The following FBLN1 variants were observed in gnomAD, a reference collection of about 807,000 sequenced individuals.
The protein encoded by FBLN1 is fibulin 1, also known as fibulin-1.
A neutral mutation model predicts 89.7 loss-of-function variants in FBLN1; 34 were observed. That is an observed-to-expected ratio of 0.38 (90% CI 0.29 to 0.50). The LOEUF is 0.50. Among genes scored for constraint, FBLN1 ranks in the 20% least tolerant of loss-of-function variants. FBLN1 has a pLI of 0.92. For missense variants in FBLN1, 777 were observed against 988.1 expected, an observed-to-expected ratio of 0.79 and a Z score of 2.86; for synonymous variants, 393 against 391.3, an observed-to-expected ratio of 1.00 and a Z score of -0.05.
chr22:45,574,733 T>A lies in FBLN1; in HGVS notation c.1840+80T>A. ...AGCTGAGGGCTTGGCCTACAGGAGT[T>A]GTTCCTTGTAAGATGTGGCCCAGGC... On this transcript the variant is annotated intron_variant, in intron 15 of 16. Transcript: ENST00000327858. The surrounding 1 kb of genome is among the most constrained non-coding windows in gnomAD (Gnocchi z 4.1). 1 of 1,291,482 alleles carries A rather than the reference T, an allele frequency of 7.7e-7. No homozygotes were observed. The highest frequency in any genetic ancestry group is 1.1e-6 in the Non-Finnish European group (1 of 911,080). The allele number at this position is 1,291,482 out of a possible 1,614,324, so 80.0% of individuals were successfully genotyped here. A position where few individuals can be genotyped will look rare whatever the true frequency, so the allele number is the denominator to read the frequency against.
intron 14 of FBLN1, chr22:45,565,083 C>T (rs1435071174): frequency 1.3e-5 from 21 of 1,596,296 alleles, no homozygotes; most frequent in East Asian, 2.3e-5. Flanking sequence ...CTTTTCCCCA[C>T]GGCCCTTGCC....
chr22:45,527,728 T>A, intron 3 of FBLN1, 119 bp from the exon 4 acceptor site: 2 of 1,009,800 alleles, frequency 2.0e-6, no homozygotes, highest in South Asian at 2.6e-5. Context: ...CAGACTTGAG[T>A]CATCACTCTA....
chr22:45,574,627 C>T lies in FBLN1; in HGVS notation c.1814C>T (p.Thr605Ile). 4 of 1,614,118 alleles carry T rather than the reference C, an allele frequency of 2.5e-6. No individual in the cohort carries two copies. The highest frequency in any genetic ancestry group is 3.4e-6 in the Non-Finnish European group (4 of 1,180,022). ...TISHTVISLP[T>I]FREFTRPEEI... is the part of the protein sequence containing the mutation. ...TCCCACACCGTCATCTCGCTGCCTA[C>T]CTTCCGCGAGTTCACCCGCCCTGAA... is the stretch of plus-strand genomic sequence containing the variant. The change falls in exon 15 of 17, where the codon ACC becomes ATC. Residue 605 changes from threonine to isoleucine, a missense_variant. Transcript: ENST00000327858. This position sits in a 1 kb window ranked among gnomAD's most constrained non-coding sequence, Gnocchi z 4.1.
chr22:45,522,363 C>T (rs1019145184), intron 2 of FBLN1, among the ~76,000 whole-genome samples: 15 of 152,320 alleles, frequency 9.8e-5, no homozygotes, highest in Middle Eastern at 6.8e-3. Flanking sequence ...TTCAACAAAT[C>T]TTTATTGGTT....
At chr22:45,591,095 C>T (rs2089132427) in intron 16 of FBLN1, among the ~76,000 whole-genome samples, 1 of 152,192 alleles carries the variant, frequency 6.6e-6, no homozygotes, top group African/African-American at 2.4e-5. Flanking sequence ...CCTTCCAGAA[C>T]TCTCCCAGAC....
chr22:45,563,069 C>T lies in FBLN1; in HGVS notation c.1698-11442C>T, dbSNP rs1356866442. On this transcript the variant is annotated intron_variant, in intron 14 of 16. Transcript: ENST00000327858. The surrounding 1 kb of genome is among the most constrained non-coding windows in gnomAD (Gnocchi z 5.7). ...TGCTGTCCCCGGGGACAGCATGCAG[C>T]TGGCCATCACCGGCGGCAATGAGGA... The T allele has an allele frequency of 1.2e-6, 2 of 1,613,490 alleles. No homozygotes were observed. Among genetic ancestry groups the T allele is most frequent in the African/African-American group, 1.3e-5 (1 of 75,046 alleles).
chr22:45,594,321 A>C (rs1053432208), intron 16 of FBLN1, among the ~76,000 whole-genome samples: 1 of 152,164 alleles, frequency 6.6e-6, no homozygotes, highest in Admixed American at 6.5e-5. Flanking sequence ...TCTGAGACTG[A>C]CGAAGTGAGG....
chr22:45,524,043 G>A (rs935396924), intron 2 of FBLN1, among the ~76,000 whole-genome samples: 4 of 152,228 alleles, frequency 2.6e-5, no homozygotes, highest in Non-Finnish European at 4.4e-5. Context: ...CAAATCCACC[G>A]AAAGCATGAG....
At chr22:45,553,066 C>T (rs568209142) in intron 14 of FBLN1, among the ~76,000 whole-genome samples, 4 of 152,316 alleles carry the variant, frequency 2.6e-5, no homozygotes, top group Admixed American at 2.0e-4. Context: ...ATAGAGCCGT[C>T]GATGGCCCCC....
chr22:45,510,927 A>ATGT (rs2088091168), intron 1 of FBLN1, among the ~76,000 whole-genome samples: 1 of 152,052 alleles, frequency 6.6e-6, no homozygotes, highest in African/African-American at 2.4e-5. Context: ...TGCACCAGTT[A>ATGT]CTCCGGCAGG....
intron 16 of FBLN1, among the ~76,000 whole-genome samples, chr22:45,582,249 A>G (rs1430882863): frequency 2.6e-5 from 4 of 152,196 alleles, no homozygotes; most frequent in African/African-American, 9.7e-5. Context: ...ACTGGCTGGC[A>G]TCTGTCAGCC....
chr22:45,562,321 C>T lies in FBLN1; in HGVS notation c.1697+11706C>T, dbSNP rs998484907. On this transcript the variant is annotated intron_variant, in intron 14 of 16. Coordinates refer to ENST00000327858, the MANE Select transcript of FBLN1 (RefSeq NM_006486.3). This position sits in a 1 kb window ranked among gnomAD's most constrained non-coding sequence, Gnocchi z 7.8. ...AATGGCTGAGTAGCGATATGGCTCC[C>T]TCACTCACTCTGTGACCTTGGGAAG... is the stretch of plus-strand genomic sequence containing the variant. Among the ~76,000 whole-genome samples, 1 of 152,206 alleles carries T rather than the reference C, an allele frequency of 6.6e-6. No homozygotes were observed. The highest frequency in any genetic ancestry group is 2.4e-5 in the African/African-American group (1 of 41,452).
rs570124511 is a variant in FBLN1, at chr22:45,563,328, G to T, written c.1698-11183G>T. On this transcript the variant is annotated intron_variant, in intron 14 of 16. Coordinates refer to ENST00000327858, the MANE Select transcript of FBLN1 (RefSeq NM_006486.3). The surrounding 1 kb of genome is among the most constrained non-coding windows in gnomAD (Gnocchi z 5.7). ...CTTTCCTAACCCTGCCCTCCGGGGCGTTAATAAAGTCTTAGCAAGCGTCCC... is the reference window on the plus strand; with the variant it reads ...CTTTCCTAACCCTGCCCTCCGGGGCTTTAATAAAGTCTTAGCAAGCGTCCC... 5 of 1,609,414 alleles carry T rather than the reference G, an allele frequency of 3.1e-6. No homozygotes were observed. In the East Asian group the frequency reaches 1.1e-4, roughly 36 times the overall value.
At chr22:45,586,479 G>A (rs1017482183) in intron 16 of FBLN1, among the ~76,000 whole-genome samples, 1 of 152,252 alleles carries the variant, frequency 6.6e-6, no homozygotes, top group African/African-American at 2.4e-5. Context: ...CATCTGCGGT[G>A]TCACCGTGGA....
At chr22:45,582,704 G>A (rs1298606324) in intron 16 of FBLN1, among the ~76,000 whole-genome samples, 2 of 152,186 alleles carry the variant, frequency 1.3e-5, no homozygotes, top group African/African-American at 2.4e-5. Flanking sequence ...GACAACCTAC[G>A]CATCTTAGAA....
At chr22:45,599,571 G>A (rs984459429) in intron 16 of FBLN1, among the ~76,000 whole-genome samples, 6 of 152,168 alleles carry the variant, frequency 3.9e-5, no homozygotes, top group African/African-American at 9.7e-5. Flanking sequence ...GAGGGAGAAA[G>A]ATGTCTATCA....
rs998731009 is a variant in FBLN1 at position 45,532,449 on chromosome 22, C to T, written c.545-614C>T. On this transcript the variant is annotated intron_variant, in intron 5 of 16. Coordinates refer to ENST00000327858, the MANE Select transcript of FBLN1 (RefSeq NM_006486.3). This position sits in a 1 kb window ranked among gnomAD's most constrained non-coding sequence, Gnocchi z 4.2. ...CAGAGAGAGGGGCCCTAGAAGCAGG[C>T]AGGCTGGCAGCAGTTAGAAGTGTAT... 4.6e-5 allele frequency among the ~76,000 whole-genome samples: 7 copies of T among 152,202 alleles called. No individual in the cohort carries two copies. Among genetic ancestry groups the T allele is most frequent in the Admixed American group, 6.5e-5 (1 of 15,276 alleles).
intron 11 of FBLN1, 96 bp downstream of exon 11, chr22:45,543,622 G>GT: frequency 6.8e-7 from 1 of 1,462,322 alleles, no homozygotes; most frequent in South Asian, 1.2e-5. Flanking sequence ...ATCCGCGATG[G>GT]TTTCCCTGTT....
chr22:45,593,356 C>T (rs5764803), intron 16 of FBLN1, among the ~76,000 whole-genome samples: 55,542 of 151,948 alleles, frequency 0.37, 12,354 homozygotes, highest in East Asian at 0.53. Context: ...AGCACATCAG[C>T]TGCAACTTAC....
Sources: allele counts gnomAD v4.1 joint callset (sites outside exome capture counted in the v4.1 genomes callset), GRCh38; gene constraint gnomAD v4.1.1; non-coding constraint Gnocchi (gnomAD v3.1); transcripts MANE v1.5; gene names NCBI Gene and HGNC (gene_info 2026-07-23, HGNC 2026-07-21).